The following CYB5D2 variants were observed in gnomAD, a reference collection of about 807,000 sequenced individuals.
CYB5D2 encodes cytochrome b5 domain containing 2.
A neutral mutation model predicts 22.8 loss-of-function variants in CYB5D2; 23 were observed. That is an observed-to-expected ratio of 1.01 (90% CI 0.73 to 1.43). The LOEUF is 1.43. Ranked by LOEUF, CYB5D2 falls within the 40% of genes most tolerant of loss-of-function variation. CYB5D2 has a pLI of 0.00. For synonymous variants in CYB5D2, 170 were observed against 152.2 expected, an observed-to-expected ratio of 1.12 and a Z score of -0.86; for missense variants, 373 against 357.2, an observed-to-expected ratio of 1.04 and a Z score of -0.36.
rs2059124580 is a variant in CYB5D2 at position 4,157,472 on chromosome 17, C to G, written c.*390C>G. 4.3e-6 allele frequency: 1 copy of G among 231,872 alleles called. No homozygotes were observed. The highest frequency in any genetic ancestry group is 5.2e-5 in the Admixed American group (1 of 19,174). The allele number at this position is 231,872 out of a possible 1,614,324, so 14.4% of individuals were successfully genotyped here. On this transcript the variant is annotated 3_prime_UTR_variant, in exon 4 of 4. Coordinates refer to ENST00000301391, the MANE Select transcript of CYB5D2 (RefSeq NM_144611.4). The surrounding 1 kb of genome is among the most constrained non-coding windows in gnomAD (Gnocchi z 4.4). ...AATAACAAATTAGTGTGGGTTGATT[C>G]TGGAATTGGAAAAGCTTTTGCTTGT... is the stretch of plus-strand genomic sequence containing the variant.
intron 3 of CYB5D2, 101 bp downstream of exon 3, chr17:4,154,961 C>T (rs2142995149): frequency 7.8e-7 from 1 of 1,276,042 alleles, no homozygotes; most frequent in East Asian, 2.6e-5. Context: ...GATTGTTAAC[C>T]CTGGGGAGCT....
At chr17:4,148,836 A>G (rs1177922905) in intron 1 of CYB5D2, among the ~76,000 whole-genome samples, 3 of 152,222 alleles carry the variant, frequency 2.0e-5, no homozygotes, top group Non-Finnish European at 4.4e-5. Flanking sequence ...CACAAAAAAA[A>G]AGAACTGCAT....
chr17:4,147,782 G>T (rs1283190952), intron 1 of CYB5D2, among the ~76,000 whole-genome samples: 1 of 152,240 alleles, frequency 6.6e-6, no homozygotes, highest in Non-Finnish European at 1.5e-5. Context: ...GAACCTGGGA[G>T]GCAGAGGTTG....
chr17:4,143,895 G>A lies in CYB5D2; in HGVS notation c.140G>A (p.Arg47His). 1 of 1,613,974 alleles carries A rather than the reference G, an allele frequency of 6.2e-7. No homozygotes were observed. Among genetic ancestry groups the A allele is most frequent in the Non-Finnish European group, 8.5e-7 (1 of 1,180,016 alleles). ...LFIPEELSRY[R>H]GGPGDPGLYL... The stretch of plus-strand genomic sequence containing the variant: ...ATACCGGAGGAGCTGTCTCGCTACC[G>A]CGGCGGCCCAGGGGACCCGGGCCTG... The change falls in exon 1 of 4, where the codon CGC (arginine) becomes CAC (histidine). Residue 47 changes from arginine to histidine, a missense_variant. By Grantham distance (29) the Arg-to-His change is conservative. Transcript: ENST00000301391.
chr17:4,148,914 G>A (rs1355727219), intron 1 of CYB5D2, among the ~76,000 whole-genome samples: 1 of 151,950 alleles, frequency 6.6e-6, no homozygotes, highest in Non-Finnish European at 1.5e-5. Context: ...AGGTTTCCTG[G>A]CTGTGAGGGT....
At position 4,155,468 on chromosome 17, in the gene CYB5D2, C is replaced by T. The variant is rs150489415; in HGVS notation, c.578+608C>T. Among the ~76,000 whole-genome samples, 56 of 152,312 alleles carry T rather than the reference C, an allele frequency of 3.7e-4. 1 individual carries two copies. Among genetic ancestry groups the T allele is most frequent in the East Asian group, 2.3e-3 (12 of 5,182 alleles). On this transcript the variant is annotated intron_variant, in intron 3 of 3. Coordinates refer to ENST00000301391, the MANE Select transcript of CYB5D2 (RefSeq NM_144611.4). ...AAACAGTAACAAACAAAAAAAACCA[C>T]TGCAAATTCGGAGTTCTCAGCCTTA...
At chr17:4,155,348 T>C (rs1426423315) in intron 3 of CYB5D2, among the ~76,000 whole-genome samples, 1 of 152,126 alleles carries the variant, frequency 6.6e-6, no homozygotes, top group Non-Finnish European at 1.5e-5. Context: ...TGGTGGCTTG[T>C]GGGCCACACC....
intron 2 of CYB5D2, among the ~76,000 whole-genome samples, chr17:4,151,252 A>C (rs1337439865): frequency 6.6e-6 from 1 of 152,108 alleles, no homozygotes. Flanking sequence ...CAGTCTTGAG[A>C]CCATAACCCT....
chr17:4,151,013 A>G (rs1186004807), intron 2 of CYB5D2: 1 of 152,192 alleles, frequency 6.6e-6, no homozygotes, highest in Non-Finnish European at 1.5e-5. Flanking sequence ...TCACTTCACC[A>G]TCGAAACAGG....
At chr17:4,147,987 G>A (rs143020904) in intron 1 of CYB5D2, among the ~76,000 whole-genome samples, 7 of 152,260 alleles carry the variant, frequency 4.6e-5, no homozygotes, top group Non-Finnish European at 8.8e-5. Flanking sequence ...GCAGGAGAAT[G>A]ATGTGATCAG....
chr17:4,149,843 G>A lies in CYB5D2; in HGVS notation c.251-48G>A, dbSNP rs2059034702. On this transcript the variant is annotated intron_variant, in intron 1 of 3. Transcript: ENST00000301391. ...AGAAAACAGATTCTTGAGTGGGGAT[G>A]GTGTCAGTGGTTTACACCTGGGTCT... 4 of 1,569,996 alleles carry A rather than the reference G, an allele frequency of 2.5e-6. 1 individual carries two copies. The Middle Eastern group carries it at 5.1e-4, about 200-fold the overall frequency.
chr17:4,150,020 A>ATG lies in CYB5D2; in HGVS notation c.388_389dup (p.Gly131LeufsTer4). On this transcript the variant is annotated frameshift_variant, in exon 2 of 4. Coordinates refer to ENST00000301391, the MANE Select transcript of CYB5D2 (RefSeq NM_144611.4). LOFTEE classifies it high-confidence loss of function. ...TGGCTTTCATTCTATGAGAAGAATT[A>ATG]TGTGTGTGTTGGTAAGTCGTCCATA... 1 of 1,614,014 alleles carries ATG rather than the reference A, an allele frequency of 6.2e-7. No individual in the cohort carries two copies. Among genetic ancestry groups the ATG allele is most frequent in the Middle Eastern group, 1.7e-4 (1 of 5,996 alleles).
At chr17:4,154,558 AT>A (rs2059091914) in intron 2 of CYB5D2, 115 bp from the exon 3 acceptor site, 2 of 1,229,734 alleles carry the variant, frequency 1.6e-6, no homozygotes, top group Non-Finnish European at 2.2e-6. Flanking sequence ...AGAAGTTCTT[AT>A]TAAACGCGCA....
At position 4,157,029 on chromosome 17, in the gene CYB5D2, G is replaced by T. The variant is rs2059119923; in HGVS notation, c.742G>T (p.Ala248Ser). ...NRGDLDHPNL[A>S]EYTGCPPLAI... ...TGGGGACCTGGACCACCCAAACTTG[G>T]CAGAGTACACAGGCTGCCCACCGCT... Residue 248 changes from alanine (A) to serine (S), a missense_variant, in exon 4 of 4, where the codon GCA (alanine) becomes TCA (serine). By Grantham distance (99) the Ala-to-Ser change is moderately conservative. Transcript: ENST00000301391. The surrounding 1 kb of genome is among the most constrained non-coding windows in gnomAD (Gnocchi z 4.4). The T allele has an allele frequency of 6.2e-7, 1 of 1,612,454 alleles. No homozygotes were observed. The highest frequency in any genetic ancestry group is 1.3e-5 in the African/African-American group (1 of 74,814).
At chr17:4,151,255 A>G (rs1239752971) in intron 2 of CYB5D2, among the ~76,000 whole-genome samples, 3 of 152,168 alleles carry the variant, frequency 2.0e-5, no homozygotes, top group Non-Finnish European at 2.9e-5. Flanking sequence ...TCTTGAGACC[A>G]TAACCCTGTC....
At chr17:4,144,668 C>T (rs2058962005) in intron 1 of CYB5D2, among the ~76,000 whole-genome samples, 1 of 152,170 alleles carries the variant, frequency 6.6e-6, no homozygotes, top group African/African-American at 2.4e-5. Flanking sequence ...CCTCAAGAAA[C>T]ATTTGTCAAA....
chr17:4,145,166 G>A (rs2058973946), intron 1 of CYB5D2, among the ~76,000 whole-genome samples: 1 of 152,204 alleles, frequency 6.6e-6, no homozygotes, highest in Non-Finnish European at 1.5e-5. Context: ...AAAAAGTGCA[G>A]GGCAAGCCTA....
At chr17:4,144,112 C>T in intron 1 of CYB5D2, 107 bp downstream of exon 1, 1 of 1,437,428 alleles carries the variant, frequency 7.0e-7, no homozygotes, top group Non-Finnish European at 9.3e-7. Flanking sequence ...CCATCCCCAC[C>T]CCACATCCAT....
chr17:4,146,695 G>C (rs1240243309), intron 1 of CYB5D2, among the ~76,000 whole-genome samples: 1 of 143,156 alleles, frequency 7.0e-6, no homozygotes, highest in African/African-American at 2.6e-5. Context: ...TGGCCCGGTG[G>C]GTTTTTTTTT....
Sources: allele counts gnomAD v4.1 joint callset (sites outside exome capture counted in the v4.1 genomes callset), GRCh38; gene constraint gnomAD v4.1.1; non-coding constraint Gnocchi (gnomAD v3.1); transcripts MANE v1.5; gene names NCBI Gene and HGNC (gene_info 2026-07-23, HGNC 2026-07-21).